Variants in SLC7A1 observed in about 807,000 individuals in gnomAD.
SLC7A1 encodes high affinity cationic amino acid transporter 1.
In SLC7A1, 10 loss-of-function variants were observed where a neutral mutation model predicts 53.9. The ratio of observed to expected loss-of-function variants is 0.19; its 90% confidence interval spans 0.11 to 0.31. The LOEUF (loss-of-function observed/expected upper bound fraction) is 0.31, where lower values mean the gene tolerates loss of function less well. Among genes scored for constraint, SLC7A1 ranks in the 10% least tolerant of loss-of-function variants. The pLI is 1.00. For missense variants in SLC7A1, 525 were observed against 827.2 expected (o/e 0.63, Z 4.48); for synonymous variants, 342 against 338.7 (o/e 1.01, Z -0.11).
intron 2 of SLC7A1, among the ~76,000 whole-genome samples, chr13:29,549,443 G>T (rs1870076080): frequency 6.6e-6 from 1 of 152,142 alleles, no homozygotes; most frequent in Non-Finnish European, 1.5e-5. Flanking sequence ...CACCTGCATT[G>T]CTTTCATCGA....
Position 29,517,188 on chromosome 13 carries a change from C to T in SLC7A1, c.1633G>A (p.Val545Ile), listed in dbSNP as rs548607156. The change falls in exon 11 of 13, where the codon GTC becomes ATC. Residue 545 changes from valine (V) to isoleucine (I), a missense_variant. By Grantham distance (29) the Val-to-Ile change is conservative. Coordinates refer to ENST00000380752, the MANE Select transcript of SLC7A1 (RefSeq NM_003045.5). ...TTGCTCTCGGGCTGCCTCCAGATGA[C>T]GCCCGTGACCACGGCACAGAGGAGG... ...SALLCAVVTG[V>I]IWRQPESKTK... 4.8e-5 allele frequency: 77 copies of T among 1,612,616 alleles called. 1 individual carries two copies. Among genetic ancestry groups the T allele is most frequent in the Non-Finnish European group, 5.9e-5 (70 of 1,179,460 alleles).
chr13:29,561,198 A>C (rs894334133), intron 1 of SLC7A1, among the ~76,000 whole-genome samples: 1 of 152,224 alleles, frequency 6.6e-6, no homozygotes, highest in African/African-American at 2.4e-5. Flanking sequence ...TAATGACGGC[A>C]GCACACTTCT....
At position 29,516,228 on chromosome 13, in the gene SLC7A1, G is replaced by T. The variant is rs1453080006; in HGVS notation, c.1696C>A (p.Leu566Ile). 6.2e-7 allele frequency: 1 copy of T among 1,612,744 alleles called. No homozygotes were observed. Reference protein sequence around the residue: ...LSFKVPFLPVLPILSIFVNVY... With the variant: ...LSFKVPFLPVIPILSIFVNVY... ...TTCACGAAGATGCTCAGGATGGGGA[G>T]CACTGGCAGGAAGGGAACCTGAAGA... Residue 566 changes from leucine to isoleucine, a missense_variant, in exon 12 of 13, where the codon CTC (leucine) becomes ATC (isoleucine). By Grantham distance (5) the Leu-to-Ile change is conservative (BLOSUM62 2). This residue lies in a region of SLC7A1 where 8 missense variants were observed against 37.5 expected (regional missense o/e 0.21). Transcript: ENST00000380752.
In SLC7A1 at chr13:29,567,471, G is replaced by A. The variant is rs116399613; in HGVS notation, c.-114-13611C>T. On this transcript the variant is annotated intron_variant, in intron 1 of 12. Transcript: ENST00000380752. ...CACTACCAGGGCAAAAAAGTCATCC[G>A]GGAGGATAGGAAAAGACATGCCCAA... Among the ~76,000 whole-genome samples, 570 of 152,294 alleles carry A rather than the reference G, an allele frequency of 3.7e-3. 4 individuals carry two copies. Among genetic ancestry groups the A allele is most frequent in the African/African-American group, 0.013 (539 of 41,560 alleles).
chr13:29,570,500 G>T (rs1871146308), intron 1 of SLC7A1, among the ~76,000 whole-genome samples: 1 of 152,104 alleles, frequency 6.6e-6, no homozygotes, highest in Non-Finnish European at 1.5e-5. Flanking sequence ...CTCCTGTGAG[G>T]CTCAAGAGAC....
intron 1 of SLC7A1, among the ~76,000 whole-genome samples, chr13:29,594,604 A>AG (rs548790084): frequency 6.6e-6 from 1 of 152,220 alleles, no homozygotes. Context: ...CTACGCAGAA[A>AG]GGAACACCCT....
At chr13:29,587,763 C>T (rs1177820133) in intron 1 of SLC7A1, among the ~76,000 whole-genome samples, 1 of 152,254 alleles carries the variant, frequency 6.6e-6, no homozygotes, top group Non-Finnish European at 1.5e-5. Context: ...TCTGCCTGCT[C>T]GGTGGGCACC....
intron 4 of SLC7A1, among the ~76,000 whole-genome samples, chr13:29,531,969 T>C (rs964617402): frequency 6.6e-6 from 1 of 152,248 alleles, no homozygotes; most frequent in Non-Finnish European, 1.5e-5. Context: ...ATTGTTTCTT[T>C]AGTGTCCCTC....
At chr13:29,584,255 G>A (rs756033855) in intron 1 of SLC7A1, among the ~76,000 whole-genome samples, 12 of 152,014 alleles carry the variant, frequency 7.9e-5, no homozygotes, top group Non-Finnish European at 1.2e-4. Context: ...CTGGGACCCA[G>A]CCCTCTGCTA....
chr13:29,533,549 A>C (rs1869271220), intron 3 of SLC7A1, among the ~76,000 whole-genome samples: 1 of 152,172 alleles, frequency 6.6e-6, no homozygotes, highest in Non-Finnish European at 1.5e-5. Context: ...TCAGGGACAA[A>C]GCCACTTGCT....
chr13:29,530,464 A>G, intron 5 of SLC7A1, 74 bp downstream of exon 5: 2 of 1,315,156 alleles, frequency 1.5e-6, no homozygotes, highest in Non-Finnish European at 1.1e-6. Flanking sequence ...ATGCCATCCT[A>G]GCCAGTTATA....
intron 8 of SLC7A1, 100 bp downstream of exon 8, chr13:29,522,217 T>C: frequency 1.2e-5 from 14 of 1,203,010 alleles, no homozygotes; most frequent in Non-Finnish European, 1.7e-5. Context: ...AAAAGACCAG[T>C]TAAGATTACT....
intron 1 of SLC7A1, among the ~76,000 whole-genome samples, chr13:29,584,279 T>A (rs1871782692): frequency 6.6e-6 from 1 of 152,096 alleles, no homozygotes; most frequent in South Asian, 2.1e-4. Flanking sequence ...CTACAGCTAC[T>A]CGGGAGCTGT....
chr13:29,569,506 G>A (rs570766827), intron 1 of SLC7A1, among the ~76,000 whole-genome samples: 14 of 152,262 alleles, frequency 9.2e-5, no homozygotes, highest in African/African-American at 3.4e-4. Flanking sequence ...CAGCTACCAG[G>A]CCCACTGCAA....
intron 1 of SLC7A1, among the ~76,000 whole-genome samples, chr13:29,566,986 G>A (rs542715266): frequency 3.9e-5 from 6 of 152,288 alleles, no homozygotes; most frequent in South Asian, 2.1e-4. Flanking sequence ...TCCAGTTGCC[G>A]TTGGTAAGAG....
Position 29,571,544 on chromosome 13 carries a change from C to A in SLC7A1, c.-114-17684G>T, listed in dbSNP as rs112912522. On this transcript the variant is annotated intron_variant, in intron 1 of 12. Transcript: ENST00000380752. ...CATCAGACATCTGCCGGGGGGTCCT[C>A]ACTCATGGATAGTCCCGCTCACCCA... 6.6e-5 allele frequency among the ~76,000 whole-genome samples: 10 copies of A among 152,262 alleles called. 1 individual carries two copies. The East Asian group carries it at 1.3e-3, about 21-fold the overall frequency.
At chr13:29,566,360 G>A (rs1870967402) in intron 1 of SLC7A1, among the ~76,000 whole-genome samples, 1 of 152,196 alleles carries the variant, frequency 6.6e-6, no homozygotes, top group Non-Finnish European at 1.5e-5. Context: ...TAGGCAAAAA[G>A]CAGAAACAAC....
At chr13:29,586,521 A>G (rs968351986) in intron 1 of SLC7A1, among the ~76,000 whole-genome samples, 2 of 152,214 alleles carry the variant, frequency 1.3e-5, no homozygotes, top group African/African-American at 2.4e-5. Context: ...TTTCTCCCAC[A>G]AAATCAAATG....
rs907501440 is a variant in SLC7A1 at position 29,557,522 on chromosome 13, T to G, written c.-114-3662A>C. On this transcript the variant is annotated intron_variant, in intron 1 of 12. Transcript: ENST00000380752. The stretch of plus-strand genomic sequence containing the variant: ...AATACTGTAGGCAACAGTCACACAA[T>G]GGTAAGTATCTGTGAATGGAAACAT... Among the ~76,000 whole-genome samples the G allele has an allele frequency of 5.3e-5, 8 of 151,982 alleles. No individual in the cohort carries two copies. In the South Asian group the frequency reaches 1.5e-3, roughly 28 times the overall value.
Sources: allele counts gnomAD v4.1 joint callset (sites outside exome capture counted in the v4.1 genomes callset), GRCh38; gene constraint gnomAD v4.1.1; regional missense constraint gnomAD v4.1.1; transcripts MANE v1.5; gene names NCBI Gene and HGNC (gene_info 2026-07-23, HGNC 2026-07-21).